The following GOLGA8B variants were observed in gnomAD, a reference collection of about 807,000 sequenced individuals.
The protein encoded by GOLGA8B is golgin subfamily A member 8B.
GOLGA8B carries 1 observed loss-of-function variant against 15.6 expected under a neutral mutation model. The ratio of observed to expected loss-of-function variants is 0.06; its 90% CI spans 0.02 to 0.30. The LOEUF is 0.30. Ranked by LOEUF, GOLGA8B falls within the 10% of genes least tolerant of loss-of-function variation. GOLGA8B has a pLI of 1.00. For missense variants in GOLGA8B, 17 were observed against 201.3 expected (o/e 0.08, Z 5.54); for synonymous variants, 9 against 80.3 (o/e 0.11, Z 4.75).
chr15:34,564,553 A>G (rs944167514), intron 1 of GOLGA8B, among the ~76,000 whole-genome samples: 2 of 146,798 alleles, frequency 1.4e-5, no homozygotes, highest in East Asian at 3.9e-4. Context: ...AGTCCTGGGT[A>G]TAATTTTAGA....
intron 1 of GOLGA8B, among the ~76,000 whole-genome samples, chr15:34,575,858 C>T (rs555929668): frequency 1.8e-4 from 27 of 152,240 alleles, no homozygotes; most frequent in Admixed American, 3.3e-4. Context: ...CCTGATCCCA[C>T]CCAGCTCTAA....
intron 1 of GOLGA8B, among the ~76,000 whole-genome samples, chr15:34,579,096 C>CT (rs1222423197): frequency 6.6e-6 from 1 of 151,984 alleles, no homozygotes; most frequent in African/African-American, 2.4e-5. Flanking sequence ...CTCATGCGCA[C>CT]ATTGCAGATG....
chr15:34,574,829 A>C (rs35809837), intron 1 of GOLGA8B: 3 of 152,336 alleles, frequency 2.0e-5, no homozygotes, highest in Admixed American at 1.3e-4. Context: ...ACTTACCCAT[A>C]AAACAGGGAC....
chr15:34,578,410 A>G (rs938958547), intron 1 of GOLGA8B, among the ~76,000 whole-genome samples: 1 of 152,162 alleles, frequency 6.6e-6, no homozygotes, highest in African/African-American at 2.4e-5. Context: ...CTTGCCCACC[A>G]ATGGTCATAA....
chr15:34,571,341 C>A lies in GOLGA8B; in HGVS notation c.-1123+12175G>T, dbSNP rs556666325. On this transcript the variant is annotated intron_variant, in intron 1 of 23. Transcript: ENST00000683415. ...ATAAATTAATTAAAAAAAAATAAAG[C>A]TTATCTATTCAAAGGAATATAGGAG... Among the ~76,000 whole-genome samples, 5 of 152,038 alleles carry A rather than the reference C, an allele frequency of 3.3e-5. No homozygotes were observed. In the South Asian group the frequency reaches 1.0e-3, roughly 32 times the overall value.
At chr15:34,577,358 C>G (rs1190009822) in intron 1 of GOLGA8B, among the ~76,000 whole-genome samples, 1 of 152,050 alleles carries the variant, frequency 6.6e-6, no homozygotes, top group Non-Finnish European at 1.5e-5. Flanking sequence ...AGCTGATAAT[C>G]AAACCAACTG....
chr15:34,580,126 C>A (rs1000048982), intron 1 of GOLGA8B, among the ~76,000 whole-genome samples: 1 of 152,010 alleles, frequency 6.6e-6, no homozygotes, highest in Non-Finnish European at 1.5e-5. Flanking sequence ...CTGGCAAATC[C>A]GAGGACCAAG....
At chr15:34,564,813 A>C (rs1888716606) in intron 1 of GOLGA8B, among the ~76,000 whole-genome samples, 1 of 144,072 alleles carries the variant, frequency 6.9e-6, no homozygotes. Flanking sequence ...GTGGGCAGAG[A>C]CCAGATGTGG....
chr15:34,554,497 C>G (rs1359301271), intron 1 of GOLGA8B, among the ~76,000 whole-genome samples: 1 of 132,790 alleles, frequency 7.5e-6, no homozygotes, highest in Non-Finnish European at 1.6e-5. Context: ...GCACACAAAA[C>G]ATACATACAC....
chr15:34,569,944 G>A (rs1454645357), intron 1 of GOLGA8B, among the ~76,000 whole-genome samples: 7 of 152,178 alleles, frequency 4.6e-5, no homozygotes, highest in Admixed American at 6.5e-5. Flanking sequence ...GGTGGCACGG[G>A]CAGCATCTCC....
chr15:34,580,000 T>TTCCCTGACG (rs1457721037), intron 1 of GOLGA8B, among the ~76,000 whole-genome samples: 27 of 151,914 alleles, frequency 1.8e-4, no homozygotes, highest in African/African-American at 6.5e-4. Flanking sequence ...CGCTAATTTA[T>TTCCCTGACG]GCAGGGCCAT....
At chr15:34,578,773 A>C (rs540540685) in intron 1 of GOLGA8B, among the ~76,000 whole-genome samples, 5 of 152,322 alleles carry the variant, frequency 3.3e-5, no homozygotes, top group Admixed American at 1.3e-4. Flanking sequence ...GTTTCCAGAC[A>C]ACTAGAGATG....
Position 34,526,304 on chromosome 15 carries a change from T to C in GOLGA8B, c.*1328A>G, listed in dbSNP as rs1185121281. On this transcript the variant is annotated 3_prime_UTR_variant, in exon 24 of 24. Transcript: ENST00000683415. The stretch of plus-strand genomic sequence containing the variant: ...GATTTTCAAAGATAATATAATACTG[T>C]CTACTAAAATTCCTTTTTGTTTCAA... 1 of 149,836 alleles carries C rather than the reference T, an allele frequency of 6.7e-6. No individual in the cohort carries two copies. The highest frequency in any genetic ancestry group is 1.9e-4 in the East Asian group (1 of 5,134). 9.3% of individuals were successfully genotyped at this position (149,836 alleles called of 1,614,324 possible).
At chr15:34,580,126 C>T (rs1000048982) in intron 1 of GOLGA8B, among the ~76,000 whole-genome samples, 3 of 152,010 alleles carry the variant, frequency 2.0e-5, no homozygotes, top group Non-Finnish European at 2.9e-5. Context: ...CTGGCAAATC[C>T]GAGGACCAAG....
intron 1 of GOLGA8B, among the ~76,000 whole-genome samples, chr15:34,560,003 C>T (rs2140342639): frequency 6.7e-6 from 1 of 149,572 alleles, no homozygotes; most frequent in South Asian, 2.1e-4. Flanking sequence ...CATTCAAGAC[C>T]AAAATGAGCC....
At chr15:34,576,301 A>C (rs1036505336) in intron 1 of GOLGA8B, among the ~76,000 whole-genome samples, 5 of 152,232 alleles carry the variant, frequency 3.3e-5, no homozygotes, top group Non-Finnish European at 5.9e-5. Flanking sequence ...ACCAGTCCTC[A>C]GTGCTGATTA....
intron 1 of GOLGA8B, among the ~76,000 whole-genome samples, chr15:34,566,985 G>A (rs1888780884): frequency 1.7e-5 from 2 of 115,788 alleles, no homozygotes; most frequent in Admixed American, 1.8e-4. Flanking sequence ...AAGTGCTCCC[G>A]GTTTTCAGCA....
chr15:34,574,217 T>A (rs1318926213), intron 1 of GOLGA8B, among the ~76,000 whole-genome samples: 1 of 152,086 alleles, frequency 6.6e-6, no homozygotes, highest in Admixed American at 6.6e-5. Flanking sequence ...ATTAAAATCA[T>A]CAAGATGATA....
chr15:34,574,250 C>G (rs1889004448), intron 1 of GOLGA8B, among the ~76,000 whole-genome samples: 2 of 151,774 alleles, frequency 1.3e-5, no homozygotes. Context: ...CGCAGAGGTG[C>G]TCTCCACTCC....
Sources: gnomAD v4.1 joint callset for allele counts (sites outside exome capture counted in the v4.1 genomes callset) on GRCh38, gnomAD v4.1.1 for gene constraint, MANE v1.5 for transcripts, NCBI Gene and HGNC (gene_info 2026-07-23, HGNC 2026-07-21) for gene names.